Variants in SH3BGRL observed in about 807,000 individuals in gnomAD.
The protein encoded by SH3BGRL is adapter SH3BGRL.
A neutral mutation model predicts 9.8 loss-of-function variants in SH3BGRL; 7 were observed. The ratio of observed to expected loss-of-function variants is 0.72; its 90% CI spans 0.41 to 1.35. The LOEUF (loss-of-function observed/expected upper bound fraction) is 1.35, where lower values mean the gene tolerates loss of function less well. SH3BGRL is among the 40% of genes most tolerant of loss of function. The probability of loss-of-function intolerance (pLI) is 0.01; values close to 1 mark genes in which losing one functional copy is unlikely to be tolerated. For synonymous variants in SH3BGRL, 36 were observed against 29.1 expected (o/e 1.24, Z -0.76); for missense variants, 73 against 84.4 (o/e 0.86, Z 0.53).
chrX:81,212,967 T>C, intron 1 of SH3BGRL, among the ~76,000 whole-genome samples: 1 of 112,828 alleles, frequency 8.9e-6, no homozygotes, highest in Non-Finnish European at 1.9e-5. Context: ...TGACTTTTTT[T>C]CATTTCATAA....
intron 1 of SH3BGRL, among the ~76,000 whole-genome samples, chrX:81,214,340 A>G (rs918610592): frequency 9.0e-6 from 1 of 111,673 alleles, no homozygotes; most frequent in Non-Finnish European, 1.9e-5. Context: ...ATATAGACTA[A>G]TATTTGACTA....
intron 1 of SH3BGRL, among the ~76,000 whole-genome samples, chrX:81,224,128 G>A (rs776541565): frequency 2.7e-4 from 30 of 112,159 alleles, no homozygotes; most frequent in Non-Finnish European, 4.5e-4. Flanking sequence ...TCAATTTCCA[G>A]AAAAATTTTA....
At chrX:81,262,554 G>A (rs2075744426) in intron 1 of SH3BGRL, among the ~76,000 whole-genome samples, 1 of 111,365 alleles carries the variant, frequency 9.0e-6, no homozygotes, top group African/African-American at 3.3e-5. Context: ...AGGAGACATG[G>A]CAAATAAGTG....
At chrX:81,208,101 A>G (rs775465162) in intron 1 of SH3BGRL, among the ~76,000 whole-genome samples, 1 of 110,795 alleles carries the variant, frequency 9.0e-6, no homozygotes, top group Non-Finnish European at 1.9e-5. Flanking sequence ...CTAAAAATAC[A>G]AAAACAAAAA....
At chrX:81,265,963 T>A (rs1180541318) in intron 1 of SH3BGRL, among the ~76,000 whole-genome samples, 1 of 112,585 alleles carries the variant, frequency 8.9e-6, no homozygotes, top group African/African-American at 3.2e-5. Context: ...ATGAACATTT[T>A]TTCATGTGTT....
At position 81,294,179 on chromosome X, in the gene SH3BGRL, TA is replaced by T. The variant is rs779176027; in HGVS notation, c.313-3014del. ...TGCAAGCCGGATGCAGAAATTTGCATAAGTAATGAGGAGCCAATTATTAATC... is the reference window on the plus strand; with the variant it reads ...TGCAAGCCGGATGCAGAAATTTGCATAGTAATGAGGAGCCAATTATTAATC... On this transcript the variant is annotated intron_variant, in intron 3 of 3. Transcript: ENST00000373212. 2.3e-4 allele frequency among the ~76,000 whole-genome samples: 26 copies of T among 111,632 alleles called. 1 individual carries two copies. In the East Asian group the frequency reaches 7.1e-3, roughly 30 times the overall value.
At chrX:81,231,991 T>A (rs1454802885) in intron 1 of SH3BGRL, among the ~76,000 whole-genome samples, 1 of 111,430 alleles carries the variant, frequency 9.0e-6, no homozygotes, top group Non-Finnish European at 1.9e-5. Flanking sequence ...TATATGTATA[T>A]GTTTGTACAG....
intron 1 of SH3BGRL, among the ~76,000 whole-genome samples, chrX:81,218,735 A>G (rs1337440266): frequency 2.9e-5 from 3 of 104,824 alleles, no homozygotes; most frequent in Non-Finnish European, 5.9e-5. Context: ...ATATATCTGT[A>G]TATATACACA....
At chrX:81,293,644 C>T (rs1321200975) in intron 3 of SH3BGRL, among the ~76,000 whole-genome samples, 13 of 111,907 alleles carry the variant, frequency 1.2e-4, no homozygotes, top group Non-Finnish European at 1.7e-4. Flanking sequence ...GATTGCACCA[C>T]GGCACAACAG....
chrX:81,257,306 T>C (rs1343188381), intron 1 of SH3BGRL, among the ~76,000 whole-genome samples: 1 of 112,396 alleles, frequency 8.9e-6, no homozygotes, highest in Non-Finnish European at 1.9e-5. Context: ...GTCACACAGA[T>C]AAATGGAGGA....
intron 3 of SH3BGRL, among the ~76,000 whole-genome samples, chrX:81,296,330 C>T (rs2075874550): frequency 9.0e-6 from 1 of 111,667 alleles, no homozygotes; most frequent in South Asian, 3.8e-4. Context: ...AGAGCCAAAC[C>T]ATATCAATGA....
intron 1 of SH3BGRL, among the ~76,000 whole-genome samples, 198 bp from the exon 2 acceptor site, chrX:81,276,785 CT>C (rs1179372999): frequency 9.0e-6 from 1 of 110,923 alleles, no homozygotes; most frequent in African/African-American, 3.3e-5. Flanking sequence ...AGAAATTCAA[CT>C]TGATAAAAGG....
rs1297825861 is a variant in SH3BGRL at position 81,256,743 on chromosome X, T to G, written c.46-20241T>G. On this transcript the variant is annotated intron_variant, in intron 1 of 3. Coordinates refer to ENST00000373212, the MANE Select transcript of SH3BGRL (RefSeq NM_003022.3). ...AACTATATTGCTTTCTTTAAACACTTTATCATCCCTATTTGTTGTTTCTAT... is the reference window on the plus strand; with the variant it reads ...AACTATATTGCTTTCTTTAAACACTGTATCATCCCTATTTGTTGTTTCTAT... Among the ~76,000 whole-genome samples the G allele has an allele frequency of 2.7e-5, 3 of 112,327 alleles. No homozygotes were observed. In the Admixed American group the frequency reaches 2.8e-4, roughly 11 times the overall value.
At position 81,291,772 on chromosome X, in the gene SH3BGRL, TCC is replaced by T. The variant is rs758986515; in HGVS notation, c.313-5422_313-5421del. 2.0e-3 allele frequency among the ~76,000 whole-genome samples: 230 copies of T among 112,340 alleles called. 1 individual carries two copies. Among genetic ancestry groups the T allele is most frequent in the Non-Finnish European group, 3.5e-3 (186 of 53,244 alleles). ...AGGAGTACAGGCATTAGGTAAGTGC[TCC>T]TATTACAAAAGGGGGAAATTGGCCA... On this transcript the variant is annotated intron_variant, in intron 3 of 3. Coordinates refer to ENST00000373212, the MANE Select transcript of SH3BGRL (RefSeq NM_003022.3).
At chrX:81,243,677 C>T (rs995035449) in intron 1 of SH3BGRL, among the ~76,000 whole-genome samples, 5 of 109,843 alleles carry the variant, frequency 4.6e-5, no homozygotes, top group African/African-American at 1.7e-4. Context: ...CTCATGTCCC[C>T]CATAAATATA....
intron 1 of SH3BGRL, among the ~76,000 whole-genome samples, chrX:81,226,306 C>T (rs1361243907): frequency 1.8e-5 from 2 of 109,238 alleles, no homozygotes; most frequent in Non-Finnish European, 3.8e-5. Flanking sequence ...TTTCTGAAAA[C>T]AGCTTTTGAT....
chrX:81,231,275 A>G (rs1353380410), intron 1 of SH3BGRL, among the ~76,000 whole-genome samples: 2 of 112,541 alleles, frequency 1.8e-5, no homozygotes, highest in Admixed American at 9.4e-5. Flanking sequence ...ATGAAGTTCT[A>G]TTTGTAAATT....
chrX:81,267,506 C>T (rs1347744968), intron 1 of SH3BGRL, among the ~76,000 whole-genome samples: 1 of 111,704 alleles, frequency 9.0e-6, no homozygotes, highest in African/African-American at 3.3e-5. Context: ...TGATGGATTA[C>T]GTTTATTGAT....
At chrX:81,245,013 G>A in intron 1 of SH3BGRL, among the ~76,000 whole-genome samples, 1 of 112,001 alleles carries the variant, frequency 8.9e-6, no homozygotes, top group Non-Finnish European at 1.9e-5. Context: ...GGGCCTGAAA[G>A]TCAATATACT....
Sources: allele counts gnomAD v4.1 joint callset (sites outside exome capture counted in the v4.1 genomes callset), GRCh38; gene constraint gnomAD v4.1.1; transcripts MANE v1.5; gene names NCBI Gene and HGNC (gene_info 2026-07-23, HGNC 2026-07-21).